ULK4: variants seen among roughly 807,000 people sequenced by gnomAD.
ULK4 encodes unc-51 like kinase 4, also known as inactive serine/threonine-protein kinase ULK4.
In ULK4, 133 loss-of-function variants were observed where a neutral mutation model predicts 160.6. The ratio of observed to expected loss-of-function variants is 0.83; its 90% CI spans 0.72 to 0.96. The LOEUF (loss-of-function observed/expected upper bound fraction) is 0.96, where lower values mean the gene tolerates loss of function less well. Ranked by LOEUF, ULK4 falls within the 40% of genes least tolerant of loss-of-function variation. The probability of loss-of-function intolerance (pLI) is 0.00; values close to 1 mark genes in which losing one functional copy is unlikely to be tolerated. For missense variants in ULK4, 1,580 were observed against 1,499.5 expected, an observed-to-expected ratio of 1.05 and a Z score of -0.89; for synonymous variants, 534 against 539.8, an observed-to-expected ratio of 0.99 and a Z score of 0.15.
chr3:41,899,832 G>A (rs1384258153), intron 13 of ULK4, among the ~76,000 whole-genome samples: 1 of 152,130 alleles, frequency 6.6e-6, no homozygotes, highest in African/African-American at 2.4e-5. Flanking sequence ...ACAAAAAGAA[G>A]TAGCTCCATT....
At chr3:41,563,025 T>G (rs2087653012) in intron 32 of ULK4, among the ~76,000 whole-genome samples, 1 of 152,220 alleles carries the variant, frequency 6.6e-6, no homozygotes, top group Non-Finnish European at 1.5e-5. Context: ...TGTTTAGTGC[T>G]TCCTTTAGGA....
chr3:41,833,876 C>T (rs1395858347), intron 18 of ULK4, among the ~76,000 whole-genome samples: 1 of 151,986 alleles, frequency 6.6e-6, no homozygotes, highest in African/African-American at 2.4e-5. Context: ...ATCACCCCGG[C>T]GAGAACTTCC....
At chr3:41,722,972 C>T (rs535655174) in intron 22 of ULK4, among the ~76,000 whole-genome samples, 4 of 152,158 alleles carry the variant, frequency 2.6e-5, no homozygotes, top group South Asian at 2.1e-4. Flanking sequence ...TTCAACTTCA[C>T]GACACTGCCA....
At position 41,823,566 on chromosome 3, in the gene ULK4, G is replaced by A. The variant is rs531637045; in HGVS notation, c.1765-4060C>T. Among the ~76,000 whole-genome samples, 3 of 152,302 alleles carry A rather than the reference G, an allele frequency of 2.0e-5. No homozygotes were observed. In the Middle Eastern group the frequency reaches 0.01, roughly 518 times the overall value. On this transcript the variant is annotated intron_variant, in intron 18 of 36. Transcript: ENST00000301831. ...CTGCAGAATCACACTCTGGTCTTCT[G>A]TCTGTAAGCCTGAAACCTTAGGGTG...
At chr3:41,852,121 A>C (rs1370985220) in intron 17 of ULK4, among the ~76,000 whole-genome samples, 2 of 152,222 alleles carry the variant, frequency 1.3e-5, no homozygotes, top group Non-Finnish European at 2.9e-5. Context: ...CTACGCAAAT[A>C]AACTAGAAAA....
At chr3:41,924,440 C>A (rs1699306406) in intron 5 of ULK4, among the ~76,000 whole-genome samples, 1 of 152,226 alleles carries the variant, frequency 6.6e-6, no homozygotes, top group Non-Finnish European at 1.5e-5. Flanking sequence ...AACAGACTAA[C>A]CTGCCCTGTC....
chr3:41,728,972 T>C (rs185247447), intron 22 of ULK4, among the ~76,000 whole-genome samples: 312 of 152,304 alleles, frequency 2.0e-3, no homozygotes, highest in African/African-American at 7.2e-3. Flanking sequence ...CTTGTAGTTT[T>C]ACACTGATGT....
chr3:41,936,359 A>C (rs1699775679), intron 3 of ULK4, among the ~76,000 whole-genome samples: 1 of 152,240 alleles, frequency 6.6e-6, no homozygotes, highest in Non-Finnish European at 1.5e-5. Context: ...TTTCCTTAAC[A>C]GATAATCACA....
intron 5 of ULK4, among the ~76,000 whole-genome samples, chr3:41,924,868 G>A (rs1172790170): frequency 1.3e-5 from 2 of 152,042 alleles, no homozygotes; most frequent in Non-Finnish European, 2.9e-5. Context: ...CTCTTGCATA[G>A]TGCCCTTTCC....
At chr3:41,850,024 A>G (rs1235205127) in intron 17 of ULK4, among the ~76,000 whole-genome samples, 1 of 152,012 alleles carries the variant, frequency 6.6e-6, no homozygotes, top group East Asian at 1.9e-4. Flanking sequence ...AAGTGTCCTC[A>G]TTGTTCAATT....
chr3:41,783,029 CAA>C (rs78538200), intron 21 of ULK4, among the ~76,000 whole-genome samples: 10 of 115,544 alleles, frequency 8.7e-5, no homozygotes, highest in Non-Finnish European at 1.0e-4. Flanking sequence ...CAATTTCTAC[CAA>C]AAAAAAAAAA....
At chr3:41,331,562 A>T (rs1407627831) in intron 35 of ULK4, among the ~76,000 whole-genome samples, 1 of 152,200 alleles carries the variant, frequency 6.6e-6, no homozygotes, top group East Asian at 1.9e-4. Flanking sequence ...AAGTGTCACA[A>T]CATCATTTAG....
At chr3:41,761,130 T>C (rs1461441820) in intron 21 of ULK4, among the ~76,000 whole-genome samples, 1 of 152,108 alleles carries the variant, frequency 6.6e-6, no homozygotes, top group East Asian at 1.9e-4. Flanking sequence ...CACAAGGTCA[T>C]TCTTTGGGAA....
At chr3:41,409,768 G>A (rs1292507724) in intron 34 of ULK4, among the ~76,000 whole-genome samples, 1 of 151,980 alleles carries the variant, frequency 6.6e-6, no homozygotes, top group Admixed American at 6.6e-5. Context: ...GGCCAACATG[G>A]TGAAACCTCA....
intron 30 of ULK4, among the ~76,000 whole-genome samples, chr3:41,651,556 A>G (rs4973981): frequency 0.37 from 56,419 of 151,992 alleles, 11,381 homozygotes; most frequent in African/African-American, 0.53. Flanking sequence ...AAGTGACTCA[A>G]TGAATGAATG....
chr3:41,605,742 CAAT>C (rs1239132680), intron 31 of ULK4, among the ~76,000 whole-genome samples: 1 of 151,992 alleles, frequency 6.6e-6, no homozygotes, highest in Non-Finnish European at 1.5e-5. Context: ...ACTTGAACAA[CAAT>C]GACAACCTAT....
intron 16 of ULK4, among the ~76,000 whole-genome samples, chr3:41,888,682 G>A (rs1697813782): frequency 6.6e-6 from 1 of 152,206 alleles, no homozygotes. Flanking sequence ...GTGGAAAATT[G>A]TTCCTACAGT....
At chr3:41,580,379 T>A (rs938517639) in intron 31 of ULK4, among the ~76,000 whole-genome samples, 4 of 150,988 alleles carry the variant, frequency 2.6e-5, no homozygotes, top group Non-Finnish European at 4.4e-5. Flanking sequence ...ATTATTTATT[T>A]TTTTTTTTTT....
intron 35 of ULK4, among the ~76,000 whole-genome samples, chr3:41,381,902 C>T (rs2081661132): frequency 6.6e-6 from 1 of 152,078 alleles, no homozygotes; most frequent in Non-Finnish European, 1.5e-5. Flanking sequence ...CTATTTGTCT[C>T]CTTCTTGCTC....
Sources: gnomAD v4.1 joint callset for allele counts (sites outside exome capture counted in the v4.1 genomes callset) on GRCh38, gnomAD v4.1.1 for gene constraint, MANE v1.5 for transcripts, NCBI Gene and HGNC (gene_info 2026-07-23, HGNC 2026-07-21) for gene names.